The following MYO10 variants were observed in gnomAD, a reference collection of about 807,000 sequenced individuals.
MYO10 encodes the protein unconventional myosin-X.
In MYO10, 133 loss-of-function variants were observed where a neutral mutation model predicts 257.3. That is an observed-to-expected ratio of 0.52 (90% CI 0.45 to 0.60). The LOEUF (loss-of-function observed/expected upper bound fraction) is 0.60, where lower values mean the gene tolerates loss of function less well. Among genes scored for constraint, MYO10 ranks in the 20% least tolerant of loss-of-function variants. MYO10 has a pLI of 0.00. For synonymous variants in MYO10, 1,104 were observed against 1,028.6 expected (o/e 1.07, Z -1.40); for missense variants, 2,399 against 2,635.7 (o/e 0.91, Z 1.97).
At position 16,821,443 on chromosome 5, in the gene MYO10, C is replaced by CTTTTTTT. The variant is rs571931909; in HGVS notation, c.121-3283_121-3277dup. 1.3e-3 allele frequency among the ~76,000 whole-genome samples: 88 copies of CTTTTTTT among 70,262 alleles called. 5 individuals carry two copies. Among genetic ancestry groups the CTTTTTTT allele is most frequent in the Admixed American group, 3.1e-3 (16 of 5,082 alleles). The allele number at this position is 70,262 out of a possible 152,430, so 46.1% of individuals were successfully genotyped here. On this transcript the variant is annotated intron_variant, in intron 2 of 40. Transcript: ENST00000513610. ...ATTTGACTTCCTTTCCTCCTATTTTCTTTTTTTTTTTTTTTTTTTTTTTTT... is the reference window on the plus strand; with the variant it reads ...ATTTGACTTCCTTTCCTCCTATTTTCTTTTTTTTTTTTTTTTTTTTTTTTTTTTTTTT...
chr5:16,879,516 C>T (rs1228184308), intron 1 of MYO10, among the ~76,000 whole-genome samples: 1 of 152,152 alleles, frequency 6.6e-6, no homozygotes, highest in Non-Finnish European at 1.5e-5. Context: ...ATATTGAATA[C>T]TAACCTTCTG....
chr5:16,916,193 C>G, intron 1 of MYO10: 1 of 453,576 alleles, frequency 2.2e-6, no homozygotes, highest in South Asian at 1.6e-5. Flanking sequence ...ACGTCAGGGT[C>G]AGCTAATGCT....
chr5:16,885,623 G>T (rs1430117433), intron 1 of MYO10, among the ~76,000 whole-genome samples: 6 of 148,244 alleles, frequency 4.0e-5, no homozygotes, highest in African/African-American at 9.9e-5. Flanking sequence ...AGTGAGCCAA[G>T]ATCATACCAC....
intron 2 of MYO10, among the ~76,000 whole-genome samples, chr5:16,818,567 G>A (rs187701301): frequency 1.3e-5 from 2 of 151,018 alleles, no homozygotes; most frequent in East Asian, 2.0e-4. Flanking sequence ...CTCCCGAGCT[G>A]GGACTACAGG....
At position 16,783,309 on chromosome 5, in the gene MYO10, T is replaced by C. The variant is rs1271862483; in HGVS notation, c.602+26A>G. 3.3e-6 allele frequency: 5 copies of C among 1,537,400 alleles called. No individual in the cohort carries two copies. The African/African-American group carries it at 4.2e-5, about 13-fold the overall frequency. ...CCATAAGGAAAGTGAATCCTATTAG[T>C]TGGAAACAAGAAAATCAATAAATAC... is the stretch of plus-strand genomic sequence containing the variant. On this transcript the variant is annotated intron_variant, in intron 5 of 40. Coordinates refer to ENST00000513610, the MANE Select transcript of MYO10 (RefSeq NM_012334.3).
At chr5:16,891,375 GGAA>G (rs1356665667) in intron 1 of MYO10, among the ~76,000 whole-genome samples, 11 of 114,646 alleles carry the variant, frequency 9.6e-5, no homozygotes, top group Non-Finnish European at 1.6e-4. Flanking sequence ...AAGGAAGGAA[GGAA>G]GGAGAGAGAG....
At chr5:16,677,433 T>TTTTTTTTTTTTTTTTTTTTTTG (rs1363770924) in intron 33 of MYO10, among the ~76,000 whole-genome samples, 1 of 145,256 alleles carries the variant, frequency 6.9e-6, no homozygotes, top group African/African-American at 2.7e-5. Flanking sequence ...TTTTTTTTTT[T>TTTTTTTTTTTTTTTTTTTTTTG]GAGACGGAGT....
chr5:16,682,095 T>A, intron 30 of MYO10, 82 bp from the exon 31 acceptor site: 1 of 1,499,980 alleles, frequency 6.7e-7, no homozygotes, highest in Non-Finnish European at 9.0e-7. Context: ...ACTCAGTGCC[T>A]TCTTCCTGGC....
chr5:16,715,207 A>G (rs1738802266), intron 19 of MYO10, among the ~76,000 whole-genome samples: 1 of 148,582 alleles, frequency 6.7e-6, no homozygotes, highest in South Asian at 2.2e-4. Flanking sequence ...GCCTTTCATG[A>G]GGTATTATTG....
rs1257814234 is a variant in MYO10 at position 16,840,438 on chromosome 5, AAT to A, written c.121-22273_121-22272del. ...GAATGAATGAATGAATGAATGAATG[AAT>A]GAATGAAAGAAAGAAACAGAAGAGC... On this transcript the variant is annotated intron_variant, in intron 2 of 40. Transcript: ENST00000513610. Among the ~76,000 whole-genome samples the A allele has an allele frequency of 4.9e-3, 555 of 112,608 alleles. 4 individuals carry two copies. The highest frequency in any genetic ancestry group is 0.014 in the Middle Eastern group (3 of 216). 73.9% of individuals were successfully genotyped at this position (112,608 alleles called of 152,430 possible). A position where few individuals can be genotyped will look rare whatever the true frequency, so the allele number is the denominator to read the frequency against.
intron 19 of MYO10, among the ~76,000 whole-genome samples, chr5:16,741,119 G>A (rs1302628832): frequency 6.6e-6 from 1 of 152,150 alleles, no homozygotes; most frequent in Non-Finnish European, 1.5e-5. Flanking sequence ...CCATCGGGGG[G>A]AGGCAGAGAT....
chr5:16,792,735 G>A (rs921076731), intron 4 of MYO10, among the ~76,000 whole-genome samples: 1 of 152,166 alleles, frequency 6.6e-6, no homozygotes, highest in Non-Finnish European at 1.5e-5. Flanking sequence ...CTGTCTGTGT[G>A]ATTCGGGGCT....
chr5:16,894,093 G>T (rs1745154358), intron 1 of MYO10, among the ~76,000 whole-genome samples: 1 of 152,176 alleles, frequency 6.6e-6, no homozygotes, highest in South Asian at 2.1e-4. Flanking sequence ...TCTGGTTCCT[G>T]TTCTTATATC....
chr5:16,795,966 G>T (rs763894570), intron 3 of MYO10, among the ~76,000 whole-genome samples: 16 of 151,910 alleles, frequency 1.1e-4, no homozygotes, highest in Non-Finnish European at 1.9e-4. Context: ...GAGGTGCGAG[G>T]ATCTCAAGAT....
At chr5:16,743,559 C>T (rs559522125) in intron 19 of MYO10, among the ~76,000 whole-genome samples, 4 of 151,916 alleles carry the variant, frequency 2.6e-5, no homozygotes, top group Non-Finnish European at 5.9e-5. Flanking sequence ...AGGAGAATTG[C>T]TTGAACTCGG....
At chr5:16,794,617 A>G (rs760097240) in intron 4 of MYO10, 29 bp downstream of exon 4, 5 of 1,577,498 alleles carry the variant, frequency 3.2e-6, no homozygotes, top group African/African-American at 1.3e-5. Flanking sequence ...GGGCCATGGG[A>G]AAGTCCGACT....
At chr5:16,797,166 C>T (rs374182850) in intron 3 of MYO10, among the ~76,000 whole-genome samples, 6 of 152,044 alleles carry the variant, frequency 3.9e-5, no homozygotes, top group East Asian at 1.9e-4. Context: ...ATCACTAATC[C>T]GAAAACCAAA....
At chr5:16,760,266 A>G (rs1376784940) in intron 17 of MYO10, among the ~76,000 whole-genome samples, 1 of 149,198 alleles carries the variant, frequency 6.7e-6, no homozygotes, top group Non-Finnish European at 1.5e-5. Flanking sequence ...CCTGGCTGAC[A>G]TGGCGAAACC....
intron 3 of MYO10, among the ~76,000 whole-genome samples, chr5:16,802,789 TAAC>T (rs1210676222): frequency 6.6e-6 from 1 of 151,146 alleles, no homozygotes; most frequent in African/African-American, 2.4e-5. Flanking sequence ...TGAGAGGAAA[TAAC>T]AAGAAACATT....
Sources: allele counts gnomAD v4.1 joint callset (sites outside exome capture counted in the v4.1 genomes callset), GRCh38; gene constraint gnomAD v4.1.1; transcripts MANE v1.5; gene names NCBI Gene and HGNC (gene_info 2026-07-23, HGNC 2026-07-21).